Variants in ADAMTS12 observed in about 807,000 individuals in gnomAD.
The protein encoded by ADAMTS12 is A disintegrin and metalloproteinase with thrombospondin motifs 12.
ADAMTS12 carries 118 observed loss-of-function variants against 167.8 expected under a neutral mutation model. That is an observed-to-expected ratio of 0.70 (90% CI 0.61 to 0.82). ADAMTS12 has a LOEUF of 0.82. Ranked by LOEUF, ADAMTS12 falls within the 40% of genes least tolerant of loss-of-function variation. ADAMTS12 has a pLI of 0.00. For missense variants in ADAMTS12, 1,916 were observed against 1,998.8 expected (o/e 0.96, Z 0.79); for synonymous variants, 704 against 716.9 (o/e 0.98, Z 0.29).
chr5:33,887,932 A>C (rs1750695040), intron 1 of ADAMTS12: 1 of 152,022 alleles, frequency 6.6e-6, no homozygotes, highest in Non-Finnish European at 1.5e-5. Flanking sequence ...TTTAGTAGAG[A>C]TGGGGTTTCA....
At chr5:33,648,993 G>T in intron 8 of ADAMTS12, 27 bp from the exon 9 acceptor site, 1 of 1,606,408 alleles carries the variant, frequency 6.2e-7, no homozygotes, top group Non-Finnish European at 8.5e-7. Flanking sequence ...AGAAATGAGA[G>T]GAGTTGTTTA....
chr5:33,588,672 T>A lies in ADAMTS12; in HGVS notation c.2792A>T (p.Lys931Met). 1 of 1,614,090 alleles carries A rather than the reference T, an allele frequency of 6.2e-7. No homozygotes were observed. The highest frequency in any genetic ancestry group is 8.5e-7 in the Non-Finnish European group (1 of 1,180,004). Residue 931 changes from lysine (K) to methionine (M), a missense_variant, in exon 18 of 24, where the codon AAG (lysine) becomes ATG (methionine). Coordinates refer to ENST00000504830, the MANE Select transcript of ADAMTS12 (RefSeq NM_030955.4). The part of the protein sequence containing the change: ...LPPTDCQHLL[K>M]PKTLLSCNRD... ...GTTGCAGGAAAGGAGGGTCTTGGGCTTCAGCAGGTGCTGGCAGTCTGTGGG... is the reference window on the plus strand; with the variant it reads ...GTTGCAGGAAAGGAGGGTCTTGGGCATCAGCAGGTGCTGGCAGTCTGTGGG...
intron 2 of ADAMTS12, among the ~76,000 whole-genome samples, chr5:33,784,885 A>G (rs536712603): frequency 1.3e-5 from 2 of 152,262 alleles, no homozygotes; most frequent in Admixed American, 1.3e-4. Flanking sequence ...TTATAAAGAA[A>G]AACAAAAGTT....
At chr5:33,553,053 AG>A (rs1745322912) in intron 20 of ADAMTS12, among the ~76,000 whole-genome samples, 1 of 152,234 alleles carries the variant, frequency 6.6e-6, no homozygotes, top group Non-Finnish European at 1.5e-5. Flanking sequence ...AAGTGAGCAA[AG>A]GACATGAACA....
intron 6 of ADAMTS12, 143 bp from the exon 7 acceptor site, chr5:33,658,476 G>A (rs1418659477): frequency 4.5e-6 from 4 of 887,082 alleles, no homozygotes; most frequent in Non-Finnish European, 6.6e-6. Context: ...ATGAATGTAG[G>A]CAGCAATTTT....
At chr5:33,810,173 T>C (rs377103158) in intron 2 of ADAMTS12, among the ~76,000 whole-genome samples, 1 of 152,018 alleles carries the variant, frequency 6.6e-6, no homozygotes, top group Admixed American at 6.6e-5. Context: ...TAGAGAACGC[T>C]ACTGGGTAAA....
chr5:33,760,914 TGTGTGTGC>T (rs1463690064), intron 2 of ADAMTS12, among the ~76,000 whole-genome samples: 1 of 146,638 alleles, frequency 6.8e-6, no homozygotes. Flanking sequence ...TGTGTGTGTG[TGTGTGTGC>T]GTATGCGCTT....
intron 12 of ADAMTS12, among the ~76,000 whole-genome samples, chr5:33,636,646 T>C (rs1435467950): frequency 2.6e-5 from 4 of 152,178 alleles, no homozygotes; most frequent in Non-Finnish European, 5.9e-5. Flanking sequence ...AAATCTGTGA[T>C]TTTTCTTGTG....
intron 22 of ADAMTS12, among the ~76,000 whole-genome samples, chr5:33,544,898 A>G (rs1432709852): frequency 2.1e-5 from 3 of 142,972 alleles, no homozygotes; most frequent in Non-Finnish European, 3.0e-5. Context: ...ACCTAAAACC[A>G]TAAAAACCCT....
Position 33,524,724 on chromosome 5 carries a change from C to T in ADAMTS12, c.*2464G>A, listed in dbSNP as rs1743732663. The T allele has an allele frequency of 6.6e-6, 1 of 152,198 alleles. No homozygotes were observed. Among genetic ancestry groups the T allele is most frequent in the Admixed American group, 6.5e-5 (1 of 15,274 alleles). 9.4% of individuals were successfully genotyped at this position (152,198 alleles called of 1,614,324 possible). ...TACCAACAGGACAGAAAACAGCAAG[C>T]CCTGTCTTCATTCTGGAGTCAAGAA... On this transcript the variant is annotated 3_prime_UTR_variant, in exon 24 of 24. Coordinates refer to ENST00000504830, the MANE Select transcript of ADAMTS12 (RefSeq NM_030955.4).
intron 18 of ADAMTS12, among the ~76,000 whole-genome samples, 175 bp downstream of exon 18, chr5:33,588,424 C>T (rs906406373): frequency 6.6e-6 from 1 of 152,156 alleles, no homozygotes; most frequent in African/African-American, 2.4e-5. Flanking sequence ...GCAAGATCCC[C>T]TATGAATGGA....
At chr5:33,571,782 C>T (rs1408243614) in intron 19 of ADAMTS12, among the ~76,000 whole-genome samples, 1 of 150,552 alleles carries the variant, frequency 6.6e-6, no homozygotes, top group African/African-American at 2.4e-5. Flanking sequence ...ACACAAAAAA[C>T]CCTTCAAAAA....
chr5:33,629,050 C>T (rs927184200), intron 13 of ADAMTS12, among the ~76,000 whole-genome samples: 5 of 152,164 alleles, frequency 3.3e-5, no homozygotes, highest in Admixed American at 2.6e-4. Context: ...TATTTCAAAC[C>T]TATTAATTCG....
Position 33,576,530 on chromosome 5 carries a change from G to T in ADAMTS12, c.3496C>A (p.Pro1166Thr). Residue 1166 changes from proline (P) to threonine (T), a missense_variant, in exon 19 of 24, where the codon CCT becomes ACT. Pro to Thr is a conservative substitution (Grantham distance 38). Coordinates refer to ENST00000504830, the MANE Select transcript of ADAMTS12 (RefSeq NM_030955.4). ...GGATTGCTTTCATCTTTGTCCTCAG[G>T]CTGTTCTCTTTCTTCCCCTGAGCCA... is the stretch of plus-strand genomic sequence containing the variant. The part of the protein sequence containing the change: ...HSGSGEEREQ[P>T]EDKDESNPVI... 1 of 1,613,350 alleles carries T rather than the reference G, an allele frequency of 6.2e-7. No homozygotes were observed. The highest frequency in any genetic ancestry group is 1.1e-5 in the South Asian group (1 of 90,898).
chr5:33,851,902 G>GCA lies in ADAMTS12; in HGVS notation c.489+29215_489+29216dup, dbSNP rs369828145. Reference sequence around the variant, plus strand: ...CTCATGTGCACACACGCATGTGCAAGCACACACACACACACCATAGCCTGC... The same window carrying GCA: ...CTCATGTGCACACACGCATGTGCAAGCACACACACACACACACCATAGCCTGC... On this transcript the variant is annotated intron_variant, in intron 2 of 23. Coordinates refer to ENST00000504830, the MANE Select transcript of ADAMTS12 (RefSeq NM_030955.4). 1.4e-3 allele frequency among the ~76,000 whole-genome samples: 214 copies of GCA among 151,820 alleles called. 1 individual carries two copies. The highest frequency in any genetic ancestry group is 4.7e-3 in the African/African-American group (196 of 41,456).
intron 2 of ADAMTS12, among the ~76,000 whole-genome samples, chr5:33,808,023 G>T (rs544186508): frequency 6.6e-6 from 1 of 152,140 alleles, no homozygotes; most frequent in African/African-American, 2.4e-5. Context: ...TAGAGGACAC[G>T]GTGAAAATGA....
At chr5:33,641,614 C>A (rs931273281) in intron 11 of ADAMTS12, among the ~76,000 whole-genome samples, 196 bp downstream of exon 11, 1 of 152,150 alleles carries the variant, frequency 6.6e-6, no homozygotes, top group African/African-American at 2.4e-5. Flanking sequence ...AGTGCCAAGC[C>A]GAAATGAAAC....
rs566970328 is a variant in ADAMTS12 at position 33,817,097 on chromosome 5, G to A, written c.489+64022C>T. On this transcript the variant is annotated intron_variant, in intron 2 of 23. Transcript: ENST00000504830. ...AATCAGACTTCTACACAAAACAGCT[G>A]CTTGGAGGACAAAAGGAAGGTTCAA... Among the ~76,000 whole-genome samples the A allele has an allele frequency of 1.1e-4, 16 of 152,250 alleles. No homozygotes were observed. The South Asian group carries it at 2.9e-3, about 28-fold the overall frequency.
intron 10 of ADAMTS12, among the ~76,000 whole-genome samples, chr5:33,643,072 G>A (rs1740524228): frequency 6.6e-6 from 1 of 152,214 alleles, no homozygotes; most frequent in South Asian, 2.1e-4. Flanking sequence ...CAAAAGGAAG[G>A]CTGATAATAA....
Sources: allele counts gnomAD v4.1 joint callset (sites outside exome capture counted in the v4.1 genomes callset), GRCh38; gene constraint gnomAD v4.1.1; transcripts MANE v1.5; gene names NCBI Gene and HGNC (gene_info 2026-07-23, HGNC 2026-07-21).